The following GNAI1 variants were observed in gnomAD, a reference collection of about 807,000 sequenced individuals.
GNAI1 encodes the protein guanine nucleotide-binding protein G(i) subunit alpha-1.
GNAI1 carries 11 observed loss-of-function variants against 38.9 expected under a neutral mutation model. The observed-to-expected ratio is 0.28, with a 90% CI of 0.18 to 0.47. The LOEUF (loss-of-function observed/expected upper bound fraction) is 0.47. Ranked by LOEUF, GNAI1 falls within the 20% of genes least tolerant of loss-of-function variation. GNAI1 has a pLI of 0.99. For synonymous variants in GNAI1, 166 were observed against 145.1 expected, an observed-to-expected ratio of 1.14 and a Z score of -1.04; for missense variants, 317 against 436.9, an observed-to-expected ratio of 0.73 and a Z score of 2.45.
chr7:80,190,642 CTTAGA>C lies in GNAI1; in HGVS notation c.303+1415_303+1419del, dbSNP rs750180844. 2.0e-5 allele frequency among the ~76,000 whole-genome samples: 3 copies of C among 152,108 alleles called. No homozygotes were observed. The South Asian group carries it at 6.2e-4, about 32-fold the overall frequency. On this transcript the variant is annotated intron_variant, in intron 3 of 7. Coordinates refer to ENST00000649796, the MANE Select transcript of GNAI1 (RefSeq NM_002069.6). ...AAAGACTGCACAGTAGGGAACCATG[CTTAGA>C]TTAAGAAAAAAGAATTAATAAAAAT... is the stretch of plus-strand genomic sequence containing the variant.
chr7:80,203,852 A>G lies in GNAI1; in HGVS notation c.590+20A>G, dbSNP rs747564045. 2.2e-6 allele frequency: 3 copies of G among 1,376,398 alleles called. No individual in the cohort carries two copies. Among genetic ancestry groups the G allele is most frequent in the Admixed American group, 4.1e-5 (2 of 48,330 alleles). The allele number at this position is 1,376,398 out of a possible 1,614,324, so 85.3% of individuals were successfully genotyped here. A position where few individuals can be genotyped will look rare whatever the true frequency, so the allele number is the denominator to read the frequency against. On this transcript the variant is annotated intron_variant, in intron 5 of 7. Transcript: ENST00000649796. Reference sequence around the variant, plus strand: ...TTTTAAGTGAGTAGCTTTGAAATATATGATTTCTAAATTTAGATAAAAACA... The same window carrying G: ...TTTTAAGTGAGTAGCTTTGAAATATGTGATTTCTAAATTTAGATAAAAACA...
At chr7:80,182,700 C>T (rs551780936) in intron 1 of GNAI1, among the ~76,000 whole-genome samples, 2 of 152,148 alleles carry the variant, frequency 1.3e-5, no homozygotes, top group South Asian at 4.2e-4. Context: ...ATTAAATAAG[C>T]ATTAAACCAG....
At chr7:80,215,303 G>T (rs1358296208) in intron 7 of GNAI1, among the ~76,000 whole-genome samples, 3 of 152,172 alleles carry the variant, frequency 2.0e-5, no homozygotes, top group African/African-American at 7.2e-5. Flanking sequence ...AGCAAATTGA[G>T]CTAGGCACTC....
intron 1 of GNAI1, among the ~76,000 whole-genome samples, chr7:80,147,993 A>G (rs1158450813): frequency 1.3e-5 from 2 of 152,126 alleles, no homozygotes; most frequent in Non-Finnish European, 2.9e-5. Flanking sequence ...ACATTTCACC[A>G]TTAGGTAAAA....
At chr7:80,166,551 G>T (rs937182439) in intron 1 of GNAI1, among the ~76,000 whole-genome samples, 6 of 152,078 alleles carry the variant, frequency 3.9e-5, no homozygotes, top group Non-Finnish European at 8.8e-5. Context: ...GAGCCTCTTA[G>T]TTCCATTTAC....
intron 1 of GNAI1, among the ~76,000 whole-genome samples, chr7:80,163,102 A>T (rs761231599): frequency 6.6e-6 from 1 of 152,160 alleles, no homozygotes; most frequent in African/African-American, 2.4e-5. Flanking sequence ...TCATCTGTCT[A>T]TCTGGGACTT....
At chr7:80,200,525 G>A (rs1788667577) in intron 4 of GNAI1, among the ~76,000 whole-genome samples, 1 of 151,848 alleles carries the variant, frequency 6.6e-6, no homozygotes, top group South Asian at 2.1e-4. Flanking sequence ...CACAGCTGTT[G>A]GCTGTTAGGG....
At position 80,189,246 on chromosome 7, in the gene GNAI1, T is replaced by G; in HGVS notation, c.303+15T>G. 1 of 1,608,762 alleles carries G rather than the reference T, an allele frequency of 6.2e-7. No individual in the cohort carries two copies. The highest frequency in any genetic ancestry group is 8.5e-7 in the Non-Finnish European group (1 of 1,176,692). On this transcript the variant is annotated intron_variant, in intron 3 of 7. Coordinates refer to ENST00000649796, the MANE Select transcript of GNAI1 (RefSeq NM_002069.6). ...CAGCCCGGGCGGTAAGTTATTAAAT[T>G]TGTTGGAGCTGACCTGATGGGTAAA... is the stretch of plus-strand genomic sequence containing the variant.
At chr7:80,177,732 G>A (rs1478559955) in intron 1 of GNAI1, among the ~76,000 whole-genome samples, 1 of 152,124 alleles carries the variant, frequency 6.6e-6, no homozygotes, top group Admixed American at 6.5e-5. Flanking sequence ...TCCTGACTTG[G>A]CCTCCCAAGG....
At chr7:80,149,044 C>A (rs746931753) in intron 1 of GNAI1, among the ~76,000 whole-genome samples, 9 of 152,126 alleles carry the variant, frequency 5.9e-5, no homozygotes, top group East Asian at 5.8e-4. Flanking sequence ...CTGCTTCTCT[C>A]TATATAAAAT....
intron 4 of GNAI1, among the ~76,000 whole-genome samples, chr7:80,200,568 A>G (rs535702234): frequency 1.3e-5 from 2 of 152,204 alleles, no homozygotes; most frequent in African/African-American, 2.4e-5. Context: ...AAATTTTGAA[A>G]GGTCTAGGTG....
intron 1 of GNAI1, among the ~76,000 whole-genome samples, chr7:80,158,525 G>A (rs113103258): frequency 6.6e-6 from 1 of 152,096 alleles, no homozygotes; most frequent in African/African-American, 2.4e-5. Flanking sequence ...ATGAGATCTG[G>A]TGGTTTTATA....
At chr7:80,184,027 G>A (rs1788346448) in intron 1 of GNAI1, among the ~76,000 whole-genome samples, 2 of 152,020 alleles carry the variant, frequency 1.3e-5, no homozygotes, top group Non-Finnish European at 2.9e-5. Context: ...CATATTTGCT[G>A]TCAGAGATGC....
At chr7:80,153,308 CTTGGTTTTGATTA>C (rs1162018896) in intron 1 of GNAI1, among the ~76,000 whole-genome samples, 2 of 151,926 alleles carry the variant, frequency 1.3e-5, no homozygotes, top group Non-Finnish European at 2.9e-5. Context: ...GTTTTACATC[CTTGGTTTTGATTA>C]TACAATGTGC....
At position 80,199,333 on chromosome 7, in the gene GNAI1, G is replaced by T. The variant is rs763521326; in HGVS notation, c.412G>T (p.Ala138Ser). ...ATTGTGGAAAGATAGTGGTGTACAAGCCTGTTTCAACAGATCCCGAGAGTA... is the reference window on the plus strand; with the variant it reads ...ATTGTGGAAAGATAGTGGTGTACAATCCTGTTTCAACAGATCCCGAGAGTA... ...KRLWKDSGVQ[A>S]CFNRSREYQL... The change falls in exon 4 of 8, where the codon GCC (alanine) becomes TCC (serine). Residue 138 changes from alanine to serine, a missense_variant. Physicochemically the swap from Ala to Ser is moderately conservative, Grantham distance 99. Transcript: ENST00000649796. The T allele has an allele frequency of 6.2e-7, 1 of 1,612,728 alleles. No individual in the cohort carries two copies. The highest frequency in any genetic ancestry group is 8.5e-7 in the Non-Finnish European group (1 of 1,179,126).
intron 1 of GNAI1, among the ~76,000 whole-genome samples, chr7:80,142,990 A>C (rs1787552155): frequency 6.6e-6 from 1 of 152,228 alleles, no homozygotes; most frequent in Admixed American, 6.5e-5. Context: ...TGTGGCATTT[A>C]ATATATACTC....
At chr7:80,215,818 G>T (rs531461133) in intron 7 of GNAI1, among the ~76,000 whole-genome samples, 1 of 152,298 alleles carries the variant, frequency 6.6e-6, no homozygotes, top group African/African-American at 2.4e-5. Flanking sequence ...AAAGTTAGAT[G>T]GAGTGCCAAT....
At chr7:80,178,464 G>A (rs914852427) in intron 1 of GNAI1, among the ~76,000 whole-genome samples, 2 of 152,106 alleles carry the variant, frequency 1.3e-5, no homozygotes, top group African/African-American at 4.8e-5. Flanking sequence ...CTTCATTATT[G>A]TATTTTAAGA....
intron 1 of GNAI1, among the ~76,000 whole-genome samples, chr7:80,165,275 T>C (rs952877705): frequency 3.3e-5 from 5 of 152,202 alleles, no homozygotes; most frequent in Admixed American, 3.3e-4. Flanking sequence ...AAAAGAGATA[T>C]TAGGTGACCT....
Sources: gnomAD v4.1 joint callset for allele counts (sites outside exome capture counted in the v4.1 genomes callset) on GRCh38, gnomAD v4.1.1 for gene constraint, MANE v1.5 for transcripts, NCBI Gene and HGNC (gene_info 2026-07-23, HGNC 2026-07-21) for gene names.